The following ALKBH1 variants were observed in gnomAD, a reference collection of about 807,000 sequenced individuals.
The protein encoded by ALKBH1 is alkB homolog 1, histone H2A dioxygenase.
Under a neutral mutation model 36.6 loss-of-function variants are expected in ALKBH1, and 31 were observed. That is an observed-to-expected ratio of 0.85 (90% confidence interval 0.64 to 1.14). ALKBH1 has a LOEUF of 1.14. Among genes scored for constraint, ALKBH1 ranks in the 50% most tolerant of loss-of-function variants. ALKBH1 has a pLI of 0.00. For missense variants in ALKBH1, 490 were observed against 497.3 expected, an observed-to-expected ratio of 0.99 and a Z score of 0.14; for synonymous variants, 183 against 186.6, an observed-to-expected ratio of 0.98 and a Z score of 0.16.
chr14:77,675,684 C>A lies in ALKBH1; in HGVS notation c.712G>T (p.Asp238Tyr). The A allele has an allele frequency of 6.2e-7, 1 of 1,614,154 alleles. No homozygotes were observed. Among genetic ancestry groups the A allele is most frequent in the South Asian group, 1.1e-5 (1 of 91,084 alleles). ...LGIHVDRSEL[D>Y]HSKPLLSFSF... Reference sequence around the variant, plus strand: ...AATGACAGCAAGGGTTTGGAGTGATCTAGCTCAGATCTGTCTACGTGGATT... The same window carrying A: ...AATGACAGCAAGGGTTTGGAGTGATATAGCTCAGATCTGTCTACGTGGATT... The change falls in exon 5 of 6, where the codon GAT becomes TAT. Residue 238 changes from aspartate to tyrosine, a missense_variant. Asp to Tyr is a radical substitution (Grantham distance 160). Coordinates refer to ENST00000216489, the MANE Select transcript of ALKBH1 (RefSeq NM_006020.3).
intron 2 of ALKBH1, 77 bp from the exon 3 acceptor site, chr14:77,694,977 A>G: frequency 2.4e-6 from 3 of 1,237,006 alleles, no homozygotes; most frequent in South Asian, 4.5e-5. Context: ...TGACATCTTT[A>G]TACTCACTAT....
intron 3 of ALKBH1, chr14:77,683,149 CT>C (rs34921168): frequency 0.078 from 30,914 of 398,396 alleles, 530 homozygotes; most frequent in African/African-American, 0.13. Flanking sequence ...GCTGTAAAGT[CT>C]TTTTTTTTTT....
At chr14:77,682,433 TGATCCA>T (rs2080243061) in intron 3 of ALKBH1, among the ~76,000 whole-genome samples, 1 of 152,180 alleles carries the variant, frequency 6.6e-6, no homozygotes, top group African/African-American at 2.4e-5. Flanking sequence ...CTTATAGAGG[TGATCCA>T]TTCTATTTCT....
Position 77,699,502 on chromosome 14 carries a change from T to C in ALKBH1, c.293-4602A>G, listed in dbSNP as rs577851496. 5.6e-4 allele frequency among the ~76,000 whole-genome samples: 85 copies of C among 152,350 alleles called. 1 individual carries two copies. The highest frequency in any genetic ancestry group is 1.9e-3 in the African/African-American group (81 of 41,570). The stretch of plus-strand genomic sequence containing the variant: ...GTGTCAGACACTGTGCCAGCAACCT[T>C]ATGCTATCTCATTAATCTTCAGTAA... On this transcript the variant is annotated intron_variant, in intron 2 of 5. Coordinates refer to ENST00000216489, the MANE Select transcript of ALKBH1 (RefSeq NM_006020.3).
chr14:77,673,776 C>G lies in ALKBH1; in HGVS notation c.*36G>C. 6.3e-7 allele frequency: 1 copy of G among 1,579,260 alleles called. No homozygotes were observed. The highest frequency in any genetic ancestry group is 8.6e-7 in the Non-Finnish European group (1 of 1,159,038). ...CAATAACATGATCATTTACGGTAAG[C>G]AGGTGCCTGAGTAAAAAGGATGGGA... On this transcript the variant is annotated 3_prime_UTR_variant, in exon 6 of 6. Transcript: ENST00000216489.
intron 2 of ALKBH1, among the ~76,000 whole-genome samples, chr14:77,701,707 C>T (rs984216047): frequency 1.3e-5 from 2 of 152,092 alleles, no homozygotes; most frequent in Non-Finnish European, 2.9e-5. Flanking sequence ...ACTGTTCTCT[C>T]CTGTATTTTG....
intron 4 of ALKBH1, among the ~76,000 whole-genome samples, chr14:77,678,602 T>C (rs2080219155): frequency 1.3e-5 from 2 of 151,456 alleles, no homozygotes; most frequent in African/African-American, 4.9e-5. Context: ...AAATGGTCTA[T>C]ACCAATATTT....
intron 3 of ALKBH1, among the ~76,000 whole-genome samples, chr14:77,686,096 A>T (rs1229793671): frequency 6.6e-6 from 1 of 152,184 alleles, no homozygotes; most frequent in Admixed American, 6.5e-5. Flanking sequence ...TGAGAGCAGG[A>T]CTGGCCAGCA....
At chr14:77,699,264 T>C (rs143360557) in intron 2 of ALKBH1, among the ~76,000 whole-genome samples, 1 of 152,192 alleles carries the variant, frequency 6.6e-6, no homozygotes, top group African/African-American at 2.4e-5. Context: ...AGAATTACTA[T>C]GGAAAGCAGA....
In ALKBH1 at chr14:77,673,859, C is replaced by T. The variant is rs2080189535; in HGVS notation, c.1123G>A (p.Asp375Asn). 6.2e-7 allele frequency: 1 copy of T among 1,614,100 alleles called. No homozygotes were observed. Among genetic ancestry groups the T allele is most frequent in the Non-Finnish European group, 8.5e-7 (1 of 1,179,988 alleles). Residue 375 changes from aspartate (D) to asparagine (N), a missense_variant, in exon 6 of 6, where the codon GAC becomes AAC. Transcript: ENST00000216489. ...ISTEGFCHLDDQNSEVKRARI... is the reference protein window; with the variant it reads ...ISTEGFCHLDNQNSEVKRARI... The stretch of plus-strand genomic sequence containing the variant: ...GCCCGTTTTACTTCGCTATTCTGGT[C>T]ATCCAGATGGCAGAAACCTTCTGTA...
chr14:77,695,204 T>C (rs1011131878), intron 2 of ALKBH1, among the ~76,000 whole-genome samples: 3 of 152,198 alleles, frequency 2.0e-5, no homozygotes, highest in Non-Finnish European at 4.4e-5. Flanking sequence ...TCTTGACACT[T>C]AGAGTCATCC....
intron 2 of ALKBH1, among the ~76,000 whole-genome samples, chr14:77,702,789 A>G (rs1460866425): frequency 6.6e-6 from 1 of 151,870 alleles, no homozygotes; most frequent in Admixed American, 6.5e-5. Context: ...CTGCACCCCA[A>G]GCAATCCTCC....
At chr14:77,682,048 G>A (rs746572874) in intron 3 of ALKBH1, among the ~76,000 whole-genome samples, 5 of 152,026 alleles carry the variant, frequency 3.3e-5, no homozygotes, top group East Asian at 1.9e-4. Flanking sequence ...TCTTCCTGGC[G>A]AATCATCAAA....
At chr14:77,701,085 CCT>C (rs2080357025) in intron 2 of ALKBH1, among the ~76,000 whole-genome samples, 1 of 152,050 alleles carries the variant, frequency 6.6e-6, no homozygotes, top group East Asian at 1.9e-4. Flanking sequence ...AGAATGAGAC[CCT>C]GTCTCAAGAA....
intron 4 of ALKBH1, among the ~76,000 whole-genome samples, chr14:77,677,116 T>C (rs985632479): frequency 6.6e-6 from 1 of 152,096 alleles, no homozygotes; most frequent in Non-Finnish European, 1.5e-5. Flanking sequence ...CTCTGCTCAC[T>C]GCAACCTCTG....
At chr14:77,685,299 CA>C (rs988256122) in intron 3 of ALKBH1, among the ~76,000 whole-genome samples, 2 of 152,156 alleles carry the variant, frequency 1.3e-5, no homozygotes, top group African/African-American at 4.8e-5. Context: ...AAAAACTAGC[CA>C]GGCATGGTGG....
At chr14:77,686,649 G>A (rs780782576) in intron 3 of ALKBH1, among the ~76,000 whole-genome samples, 6 of 152,138 alleles carry the variant, frequency 3.9e-5, no homozygotes, top group Non-Finnish European at 7.4e-5. Context: ...TTTTGAGACA[G>A]AGTCTCGTTT....
At chr14:77,690,260 T>C (rs1178972633) in intron 3 of ALKBH1, among the ~76,000 whole-genome samples, 2 of 151,380 alleles carry the variant, frequency 1.3e-5, no homozygotes, top group Non-Finnish European at 2.9e-5. Context: ...GAAAAGGAAA[T>C]GAGGTAGGAA....
chr14:77,703,171 C>T (rs183387454), intron 2 of ALKBH1, among the ~76,000 whole-genome samples: 6 of 152,090 alleles, frequency 3.9e-5, no homozygotes, highest in Admixed American at 3.3e-4. Context: ...TTTGTAGAGA[C>T]AGGGTCTTAC....
Sources: gnomAD v4.1 joint callset for allele counts (sites outside exome capture counted in the v4.1 genomes callset) on GRCh38, gnomAD v4.1.1 for gene constraint, MANE v1.5 for transcripts, NCBI Gene and HGNC (gene_info 2026-07-23, HGNC 2026-07-21) for gene names.